DLC1: variants seen among roughly 807,000 people sequenced by gnomAD.
DLC1 encodes DLC1 Rho GTPase activating protein.
A neutral mutation model predicts 140.3 loss-of-function variants in DLC1; 54 were observed. The observed-to-expected ratio is 0.38, with a 90% CI of 0.31 to 0.48. DLC1 has a LOEUF of 0.48. Ranked by LOEUF, DLC1 falls within the 20% of genes least tolerant of loss-of-function variation. The pLI is 0.96. For missense variants in DLC1, 2,536 were observed against 1,907.0 expected, an observed-to-expected ratio of 1.33 and a Z score of -6.14; for synonymous variants, 986 against 728.1, an observed-to-expected ratio of 1.35 and a Z score of -5.70.
intron 1 of DLC1, among the ~76,000 whole-genome samples, chr8:13,587,689 C>G (rs866699444): frequency 3.3e-5 from 5 of 149,678 alleles, no homozygotes; most frequent in African/African-American, 4.9e-5. Flanking sequence ...GCTCTTTAAT[C>G]CATAAGTTCT....
intron 1 of DLC1, among the ~76,000 whole-genome samples, chr8:13,550,366 C>A (rs1182514406): frequency 1.3e-5 from 2 of 152,120 alleles, no homozygotes; most frequent in Non-Finnish European, 2.9e-5. Context: ...CCTCCCCAGC[C>A]ATGAGGAACT....
In DLC1 at chr8:13,170,541, C is replaced by T. The variant is rs186530053; in HGVS notation, c.1349-54884G>A. 8.7e-3 allele frequency among the ~76,000 whole-genome samples: 1,328 copies of T among 152,086 alleles called. 17 individuals are homozygous for T. The highest frequency in any genetic ancestry group is 0.028 in the African/African-American group (1,159 of 41,512). On this transcript the variant is annotated intron_variant, in intron 5 of 17. Transcript: ENST00000276297. ...GTCAGGAAATCGAGACCATCCTGGC[C>T]AACACGGTGAAACCCCGTCCCTACT... is the stretch of plus-strand genomic sequence containing the variant.
chr8:13,569,026 C>A lies in DLC1; in HGVS notation c.-126+35511G>T, dbSNP rs976402352. Among the ~76,000 whole-genome samples, 3 of 152,198 alleles carry A rather than the reference C, an allele frequency of 2.0e-5. No individual in the cohort carries two copies. In the South Asian group the frequency reaches 6.2e-4, roughly 32 times the overall value. On this transcript the variant is annotated intron_variant, in intron 1 of 1. Transcript: ENST00000631382. The stretch of plus-strand genomic sequence containing the variant: ...AAATTATCTAGATAGCCATTTTGGT[C>A]GTGAAGATTTTATGAACCTTCTGTT...
At chr8:13,335,048 C>T (rs1037004165) in intron 4 of DLC1, among the ~76,000 whole-genome samples, 4 of 152,130 alleles carry the variant, frequency 2.6e-5, no homozygotes, top group African/African-American at 7.2e-5. Flanking sequence ...GAGGGAGAGA[C>T]AAGTCTGGAC....
intron 4 of DLC1, among the ~76,000 whole-genome samples, chr8:13,373,192 A>G (rs1442160331): frequency 2.0e-5 from 3 of 152,072 alleles, no homozygotes; most frequent in Non-Finnish European, 4.4e-5. Context: ...AATTTTTAAG[A>G]TGGGTGCAAA....
intron 1 of DLC1, among the ~76,000 whole-genome samples, chr8:13,560,061 G>C (rs576365796): frequency 5.3e-5 from 8 of 152,272 alleles, no homozygotes; most frequent in Admixed American, 2.0e-4. Flanking sequence ...AGTAGCAAAA[G>C]AGATGGTACA....
chr8:13,495,484 G>A (rs1416923589), intron 2 of DLC1, among the ~76,000 whole-genome samples: 9 of 152,034 alleles, frequency 5.9e-5, no homozygotes, highest in Non-Finnish European at 1.0e-4. Flanking sequence ...ACTAACATTT[G>A]CTCACAATTT....
chr8:13,391,310 G>T (rs1836751254), intron 4 of DLC1, among the ~76,000 whole-genome samples: 1 of 152,120 alleles, frequency 6.6e-6, no homozygotes, highest in African/African-American at 2.4e-5. Flanking sequence ...ATGAGTTGTG[G>T]CATGACTAGA....
chr8:13,235,189 A>G (rs140510318), intron 5 of DLC1, among the ~76,000 whole-genome samples: 157 of 152,182 alleles, frequency 1.0e-3, no homozygotes, highest in African/African-American at 3.6e-3. Context: ...TTGAAAGAAC[A>G]GGTATGATTA....
At chr8:13,342,025 G>A (rs115347959) in intron 4 of DLC1, 206 of 152,282 alleles carry the variant, frequency 1.4e-3, no homozygotes, top group African/African-American at 4.7e-3. Flanking sequence ...ATCAGATCGA[G>A]AGGATACATT....
At chr8:13,174,331 T>G (rs984861231) in intron 5 of DLC1, among the ~76,000 whole-genome samples, 1 of 152,196 alleles carries the variant, frequency 6.6e-6, no homozygotes, top group African/African-American at 2.4e-5. Context: ...AACATACAAG[T>G]GCATGTGTTT....
chr8:13,429,636 G>A (rs1003403634), intron 2 of DLC1, among the ~76,000 whole-genome samples: 14 of 152,194 alleles, frequency 9.2e-5, no homozygotes, highest in African/African-American at 3.4e-4. Context: ...CCATGCCCAT[G>A]TCAGTGCAGG....
At chr8:13,415,145 T>C (rs945600846) in intron 2 of DLC1, among the ~76,000 whole-genome samples, 2 of 152,102 alleles carry the variant, frequency 1.3e-5, no homozygotes, top group African/African-American at 4.8e-5. Context: ...CAGTGGCAAC[T>C]AGTGCCATAC....
At chr8:13,160,563 G>C (rs1020759760) in intron 5 of DLC1, among the ~76,000 whole-genome samples, 2 of 152,146 alleles carry the variant, frequency 1.3e-5, no homozygotes, top group Non-Finnish European at 2.9e-5. Flanking sequence ...AGGGCCTTAG[G>C]AATCTCTCCT....
intron 1 of DLC1, among the ~76,000 whole-genome samples, chr8:13,505,801 G>T (rs577952003): frequency 6.6e-6 from 1 of 152,200 alleles, no homozygotes; most frequent in East Asian, 1.9e-4. Flanking sequence ...CTGAAATTTG[G>T]AACAGGTATT....
intron 2 of DLC1, among the ~76,000 whole-genome samples, chr8:13,496,045 G>A (rs1182577577): frequency 2.0e-5 from 3 of 152,186 alleles, no homozygotes; most frequent in Middle Eastern, 3.4e-3. Flanking sequence ...CTTATCTTAC[G>A]GGTATTACTA....
Position 13,110,802 on chromosome 8 carries a change from A to AT in DLC1, c.1441dup (p.Ile481AsnfsTer9). ...ATCATGCTCTCTCTTGACCAAGGAA[A>AT]TATCGATGGGGAACAGGAAATCTAT... On this transcript the variant is annotated frameshift_variant, in exon 7 of 18. Coordinates refer to ENST00000276297, the MANE Select transcript of DLC1 (RefSeq NM_182643.3). LOFTEE classifies it high-confidence loss of function. The AT allele has an allele frequency of 6.2e-7, 1 of 1,614,142 alleles. No homozygotes were observed. Among genetic ancestry groups the AT allele is most frequent in the Non-Finnish European group, 8.5e-7 (1 of 1,180,022 alleles).
chr8:13,441,192 A>T (rs1290429065), intron 2 of DLC1, among the ~76,000 whole-genome samples: 11 of 152,210 alleles, frequency 7.2e-5, no homozygotes, highest in Admixed American at 7.2e-4. Context: ...TAAATTAGGT[A>T]TTGATGGGAC....
rs150585823 is a variant in DLC1, at chr8:13,573,316, A to C, written c.-126+31221T>G. Among the ~76,000 whole-genome samples the C allele has an allele frequency of 9.3e-3, 1,416 of 152,280 alleles. 23 individuals are homozygous for C. The highest frequency in any genetic ancestry group is 0.032 in the African/African-American group (1,321 of 41,562). On this transcript the variant is annotated intron_variant, in intron 1 of 1. Transcript: ENST00000631382. ...TGATTTTTGCATGCTGGTTTTGTATACTGCAACTTTGCTGAACTCATTTAT... is the reference window on the plus strand; with the variant it reads ...TGATTTTTGCATGCTGGTTTTGTATCCTGCAACTTTGCTGAACTCATTTAT...
Sources: allele counts gnomAD v4.1 joint callset (sites outside exome capture counted in the v4.1 genomes callset), GRCh38; gene constraint gnomAD v4.1.1; transcripts MANE v1.5; gene names NCBI Gene and HGNC (gene_info 2026-07-23, HGNC 2026-07-21).